The following SPATS2L variants were observed in gnomAD, a reference collection of about 807,000 sequenced individuals.
SPATS2L encodes SPATS2-like protein.
In SPATS2L, 30 loss-of-function variants were observed where a neutral mutation model predicts 59.6. That is an observed-to-expected ratio of 0.50 (90% confidence interval 0.38 to 0.68). SPATS2L has a LOEUF of 0.68. Ranked by LOEUF, SPATS2L falls within the 30% of genes least tolerant of loss-of-function variation. The probability of loss-of-function intolerance (pLI) is 0.00; values close to 1 mark genes in which losing one functional copy is unlikely to be tolerated. For missense variants in SPATS2L, 615 were observed against 700.0 expected (o/e 0.88, Z 1.37); for synonymous variants, 252 against 263.5 (o/e 0.96, Z 0.42).
chr2:200,392,313 C>T (rs1451333366), intron 3 of SPATS2L, among the ~76,000 whole-genome samples: 3 of 152,260 alleles, frequency 2.0e-5, no homozygotes, highest in South Asian at 4.1e-4. Context: ...GCCTATGTAA[C>T]GAAGCCTCTG....
intron 1 of SPATS2L, among the ~76,000 whole-genome samples, chr2:200,314,166 T>A (rs2079283870): frequency 6.6e-6 from 1 of 152,238 alleles, no homozygotes; most frequent in African/African-American, 2.4e-5. Flanking sequence ...CTCGACAAGT[T>A]CAAAACATCA....
chr2:200,478,019 G>A lies in SPATS2L; in HGVS notation c.1665G>A (p.Thr555=), dbSNP rs369093749. The A allele has an allele frequency of 7.7e-6, 12 of 1,557,246 alleles. No individual in the cohort carries two copies. Among genetic ancestry groups the A allele is most frequent in the African/African-American group, 2.7e-5 (2 of 72,796 alleles). Reference sequence around the variant, plus strand: ...CAGTTCTCTCAGTCCCGGCTGTGACGTTGGTGGCCTGAGCTAGGAGGAAAA... The same window carrying A: ...CAGTTCTCTCAGTCCCGGCTGTGACATTGGTGGCCTGAGCTAGGAGGAAAA... ...DAAVLSVPAV[T]LVA is the part of the protein sequence containing the mutation. Residue 555 remains threonine, a synonymous_variant, in exon 13 of 13, where the codon ACG becomes ACA. Transcript: ENST00000409140.
intron 2 of SPATS2L, among the ~76,000 whole-genome samples, chr2:200,357,007 T>G (rs887770526): frequency 1.3e-5 from 2 of 152,192 alleles, no homozygotes; most frequent in Admixed American, 1.3e-4. Context: ...CATTGGGGAT[T>G]AAGTTTCCAA....
At chr2:200,438,292 C>T (rs1370022193) in intron 6 of SPATS2L, among the ~76,000 whole-genome samples, 2 of 146,914 alleles carry the variant, frequency 1.4e-5, no homozygotes, top group Non-Finnish European at 3.0e-5. Context: ...AAACTGCACT[C>T]ATCAAGCTTT....
At position 200,439,128 on chromosome 2, in the gene SPATS2L, A is replaced by G. The variant is rs1311190343; in HGVS notation, c.452A>G (p.Asn151Ser). The change falls in exon 7 of 13, where the codon AAC (asparagine) becomes AGC (serine). Residue 151 changes from asparagine (N) to serine (S), a missense_variant. This residue lies in a region of SPATS2L where 227 missense variants were observed against 257.4 expected (regional missense o/e 0.88). Coordinates refer to ENST00000409140, the MANE Select transcript of SPATS2L (RefSeq NM_001100423.2). ...ATTTGGTGTTTTCTTACAGAAGGCAACAGACTACTGCAACAGAAACTATCC... is the reference window on the plus strand; with the variant it reads ...ATTTGGTGTTTTCTTACAGAAGGCAGCAGACTACTGCAACAGAAACTATCC... Reference protein sequence around the residue: ...SKALRGVTEGNRLLQQKLSLD... With the variant: ...SKALRGVTEGSRLLQQKLSLD... 6.2e-7 allele frequency: 1 copy of G among 1,613,260 alleles called. No homozygotes were observed. Among genetic ancestry groups the G allele is most frequent in the Non-Finnish European group, 8.5e-7 (1 of 1,179,322 alleles).
At chr2:200,329,350 G>C in intron 1 of SPATS2L, 81 bp from the exon 2 acceptor site, 1 of 1,169,344 alleles carries the variant, frequency 8.6e-7, no homozygotes, top group Non-Finnish European at 1.2e-6. Context: ...CCTGTGCTTG[G>C]GTTTTGAGTG....
chr2:200,326,977 C>T (rs1027549886), intron 1 of SPATS2L, among the ~76,000 whole-genome samples: 6 of 148,700 alleles, frequency 4.0e-5, no homozygotes, highest in African/African-American at 1.5e-4. Context: ...GAACTCCTGA[C>T]CTCAGGTGAT....
chr2:200,440,896 C>A, intron 8 of SPATS2L, 112 bp downstream of exon 8: 1 of 1,230,096 alleles, frequency 8.1e-7, no homozygotes, highest in Non-Finnish European at 1.1e-6. Flanking sequence ...CACAGAATAA[C>A]TCTCCAGCAA....
Position 200,482,185 on chromosome 2 carries a change from T to A in SPATS2L, c.*4154T>A, listed in dbSNP as rs1161943837. 1 of 152,260 alleles carries A rather than the reference T, an allele frequency of 6.6e-6. No homozygotes were observed. The highest frequency in any genetic ancestry group is 1.5e-5 in the Non-Finnish European group (1 of 68,048). 9.4% of individuals were successfully genotyped at this position (152,260 alleles called of 1,614,324 possible). ...TTGTTACTTAGCTAAGAATTTGAAA[T>A]GTAATTTAAATACTATTCTTTACAA... On this transcript the variant is annotated 3_prime_UTR_variant, in exon 13 of 13. Transcript: ENST00000409140.
chr2:200,478,201 A>C lies in SPATS2L; in HGVS notation c.*170A>C. 1 of 597,362 alleles carries C rather than the reference A, an allele frequency of 1.7e-6. No individual in the cohort carries two copies. The highest frequency in any genetic ancestry group is 2.6e-6 in the Non-Finnish European group (1 of 389,238). The allele number at this position is 597,362 out of a possible 1,614,324, so 37.0% of individuals were successfully genotyped here. On this transcript the variant is annotated 3_prime_UTR_variant, in exon 13 of 13. Coordinates refer to ENST00000409140, the MANE Select transcript of SPATS2L (RefSeq NM_001100423.2). Reference sequence around the variant, plus strand: ...AATAATCAGCTCTAGCTTGCTTCATAATTTTCATGGCTTTGCTTGATCTGT... The same window carrying C: ...AATAATCAGCTCTAGCTTGCTTCATCATTTTCATGGCTTTGCTTGATCTGT...
Position 200,372,175 on chromosome 2 carries a change from A to G in SPATS2L, c.-22-17048A>G, listed in dbSNP as rs1674736115. 1.5e-5 allele frequency: 15 copies of G among 985,426 alleles called. No homozygotes were observed. The South Asian group carries it at 6.6e-4, about 43-fold the overall frequency. The allele number at this position is 985,426 out of a possible 1,614,324, so 61.0% of individuals were successfully genotyped here. A position where few individuals can be genotyped will look rare whatever the true frequency, so the allele number is the denominator to read the frequency against. On this transcript the variant is annotated intron_variant, in intron 2 of 12. Transcript: ENST00000409140. ...AGTTGCCTCATGGGAAACTCGGGAA[A>G]AGACTGCAAAAACAACATTGTTTCT...
At chr2:200,474,724 C>T (rs1019762864) in intron 12 of SPATS2L, among the ~76,000 whole-genome samples, 10 of 152,172 alleles carry the variant, frequency 6.6e-5, no homozygotes, top group Admixed American at 6.5e-4. Flanking sequence ...TATGTAGATA[C>T]TTCTTCAGTT....
chr2:200,399,818 A>G (rs2082467904), intron 3 of SPATS2L, among the ~76,000 whole-genome samples: 1 of 152,212 alleles, frequency 6.6e-6, no homozygotes, highest in Non-Finnish European at 1.5e-5. Flanking sequence ...CAAGGTTAAT[A>G]TAATTTAGAG....
chr2:200,377,301 A>G (rs1023437404), intron 2 of SPATS2L, among the ~76,000 whole-genome samples: 4 of 152,212 alleles, frequency 2.6e-5, no homozygotes, highest in Non-Finnish European at 5.9e-5. Context: ...TCATAAGAAC[A>G]TAAGGAAGAA....
chr2:200,330,896 G>A (rs757738634), intron 2 of SPATS2L, among the ~76,000 whole-genome samples: 3 of 152,204 alleles, frequency 2.0e-5, no homozygotes, highest in Non-Finnish European at 4.4e-5. Flanking sequence ...TGTACTGGCT[G>A]CTTATCCCAG....
At chr2:200,408,605 T>G (rs576569291) in intron 3 of SPATS2L, among the ~76,000 whole-genome samples, 1 of 152,314 alleles carries the variant, frequency 6.6e-6, no homozygotes, top group South Asian at 2.1e-4. Flanking sequence ...ACAGACAGGC[T>G]CAAAAGATGC....
At chr2:200,314,985 G>A (rs1252489835) in intron 1 of SPATS2L, among the ~76,000 whole-genome samples, 1 of 152,088 alleles carries the variant, frequency 6.6e-6, no homozygotes, top group African/African-American at 2.4e-5. Context: ...TGATTACTTA[G>A]TGGACGTTAC....
At chr2:200,396,840 T>G (rs2082371028) in intron 3 of SPATS2L, among the ~76,000 whole-genome samples, 1 of 152,194 alleles carries the variant, frequency 6.6e-6, no homozygotes, top group African/African-American at 2.4e-5. Flanking sequence ...AGCTTTCAGA[T>G]TTCACCATGA....
intron 2 of SPATS2L, among the ~76,000 whole-genome samples, chr2:200,368,747 T>C (rs2081336492): frequency 1.3e-5 from 2 of 152,132 alleles, no homozygotes; most frequent in Non-Finnish European, 2.9e-5. Context: ...GATATAGTTC[T>C]ATAGCCGGAG....
Sources: gnomAD v4.1 joint callset for allele counts (sites outside exome capture counted in the v4.1 genomes callset) on GRCh38, gnomAD v4.1.1 for gene constraint, gnomAD v4.1.1 regional missense constraint, MANE v1.5 for transcripts, NCBI Gene and HGNC (gene_info 2026-07-23, HGNC 2026-07-21) for gene names.